Variants in FNDC3B observed in about 807,000 individuals in gnomAD.
The protein encoded by FNDC3B is fibronectin type III domain containing 3B.
A neutral mutation model predicts 151.5 loss-of-function variants in FNDC3B; 12 were observed. The observed-to-expected ratio is 0.08, with a 90% CI of 0.05 to 0.13. The LOEUF (loss-of-function observed/expected upper bound fraction) is 0.13. Ranked by LOEUF, FNDC3B falls within the 10% of genes least tolerant of loss-of-function variation. FNDC3B has a pLI of 1.00. For synonymous variants in FNDC3B, 528 were observed against 549.0 expected (o/e 0.96, Z 0.54); for missense variants, 1,214 against 1,505.3 (o/e 0.81, Z 3.20).
chr3:172,398,667 T>A lies in FNDC3B; in HGVS notation c.*1192T>A, dbSNP rs1347753867. On this transcript the variant is annotated 3_prime_UTR_variant, in exon 26 of 26. Transcript: ENST00000415807. ...TTTGGGGATCAAGGAGCCTAGATTC[T>A]CTCCCTGGATCTGTCACTAACTTGC... 6.6e-6 allele frequency: 1 copy of A among 152,164 alleles called. No homozygotes were observed. Among genetic ancestry groups the A allele is most frequent in the East Asian group, 1.9e-4 (1 of 5,200 alleles). The allele number at this position is 152,164 out of a possible 1,614,324, so 9.4% of individuals were successfully genotyped here. A position where few individuals can be genotyped will look rare whatever the true frequency, so the allele number is the denominator to read the frequency against.
intron 1 of FNDC3B, among the ~76,000 whole-genome samples, chr3:172,072,563 C>G (rs901002864): frequency 2.0e-5 from 3 of 152,148 alleles, no homozygotes; most frequent in African/African-American, 7.2e-5. Context: ...TGGAGGCATC[C>G]TCTTGTTAAT....
At chr3:172,181,770 A>G (rs1477602773) in intron 3 of FNDC3B, among the ~76,000 whole-genome samples, 1 of 141,552 alleles carries the variant, frequency 7.1e-6, no homozygotes, top group Non-Finnish European at 1.5e-5. Flanking sequence ...CAGAGGTTGC[A>G]GTGAGCCGAG....
At chr3:172,118,170 A>G (rs937011305) in intron 2 of FNDC3B, among the ~76,000 whole-genome samples, 5 of 152,218 alleles carry the variant, frequency 3.3e-5, no homozygotes, top group Non-Finnish European at 7.3e-5. Context: ...TATGTTCAAC[A>G]TATTAAAGCT....
chr3:172,188,446 G>A (rs940551030), intron 3 of FNDC3B, among the ~76,000 whole-genome samples: 2 of 147,630 alleles, frequency 1.4e-5, no homozygotes, highest in African/African-American at 2.5e-5. Context: ...TTGCTCTGTC[G>A]CCAGGCTGGA....
intron 25 of FNDC3B, among the ~76,000 whole-genome samples, chr3:172,383,015 G>A (rs369385550): frequency 1.7e-4 from 26 of 152,290 alleles, no homozygotes; most frequent in Non-Finnish European, 3.1e-4. Context: ...GAAAGTCAGT[G>A]GTAACTTGAT....
chr3:172,315,757 A>T (rs1232431118), intron 11 of FNDC3B, among the ~76,000 whole-genome samples: 1 of 152,166 alleles, frequency 6.6e-6, no homozygotes, highest in Non-Finnish European at 1.5e-5. Context: ...CAGAAAGCAG[A>T]TCAGAAGCTC....
At position 172,245,975 on chromosome 3, in the gene FNDC3B, A is replaced by G. The variant is rs190404729; in HGVS notation, c.265-1558A>G. Among the ~76,000 whole-genome samples the G allele has an allele frequency of 2.4e-4, 36 of 152,266 alleles. No individual in the cohort carries two copies. In the East Asian group the frequency reaches 5.0e-3, roughly 21 times the overall value. On this transcript the variant is annotated intron_variant, in intron 4 of 25. Coordinates refer to ENST00000415807, the MANE Select transcript of FNDC3B (RefSeq NM_022763.4). ...ATGGCCGTTCATTCAATCTAAACCTATTTTGTACACTGAAATATAACATAA... is the reference window on the plus strand; with the variant it reads ...ATGGCCGTTCATTCAATCTAAACCTGTTTTGTACACTGAAATATAACATAA...
chr3:172,183,183 A>G (rs1724004665), intron 3 of FNDC3B, among the ~76,000 whole-genome samples: 1 of 152,222 alleles, frequency 6.6e-6, no homozygotes, highest in African/African-American at 2.4e-5. Context: ...ATTTAATCTG[A>G]CAGCTTTTAA....
intron 16 of FNDC3B, chr3:172,337,686 T>C (rs1190338259): frequency 2.7e-6 from 1 of 369,530 alleles, no homozygotes; most frequent in Non-Finnish European, 4.9e-6. Flanking sequence ...TTTGGTTTGG[T>C]TTGTTTTTGT....
chr3:172,127,023 C>T, intron 2 of FNDC3B: 1 of 456,608 alleles, frequency 2.2e-6, no homozygotes, highest in South Asian at 1.5e-5. Context: ...TTAAGGAGAG[C>T]CCAAATGTTT....
intron 6 of FNDC3B, among the ~76,000 whole-genome samples, chr3:172,254,573 A>C (rs1308648583): frequency 6.6e-6 from 1 of 152,152 alleles, no homozygotes; most frequent in African/African-American, 2.4e-5. Flanking sequence ...TGTTTTCTTA[A>C]TTGCCTTGTT....
intron 2 of FNDC3B, among the ~76,000 whole-genome samples, chr3:172,123,596 A>G (rs569287348): frequency 2.0e-5 from 3 of 152,310 alleles, no homozygotes; most frequent in African/African-American, 7.2e-5. Context: ...ATGTGCTTTA[A>G]TTAATGATGT....
intron 22 of FNDC3B, among the ~76,000 whole-genome samples, chr3:172,356,768 C>T (rs1037767347): frequency 3.3e-5 from 5 of 151,992 alleles, no homozygotes; most frequent in Non-Finnish European, 7.4e-5. Flanking sequence ...GATGATTATT[C>T]TCTTCTTTCA....
intron 19 of FNDC3B, among the ~76,000 whole-genome samples, chr3:172,345,415 C>T (rs1041316573): frequency 6.6e-6 from 1 of 152,116 alleles, no homozygotes; most frequent in African/African-American, 2.4e-5. Flanking sequence ...TTTCTCAGCC[C>T]TTTCACTGAT....
At chr3:172,084,686 G>A (rs1051733050) in intron 1 of FNDC3B, among the ~76,000 whole-genome samples, 15 of 152,198 alleles carry the variant, frequency 9.9e-5, no homozygotes, top group African/African-American at 3.6e-4. Flanking sequence ...AGACATTCAA[G>A]GTTAATTTGT....
chr3:172,188,309 T>C (rs1364935118), intron 3 of FNDC3B, among the ~76,000 whole-genome samples: 1 of 152,052 alleles, frequency 6.6e-6, no homozygotes, highest in Non-Finnish European at 1.5e-5. Flanking sequence ...AGCAAAGTTT[T>C]ATAGGCATTA....
chr3:172,135,366 T>C (rs1408962501), intron 3 of FNDC3B, among the ~76,000 whole-genome samples: 3 of 152,140 alleles, frequency 2.0e-5, no homozygotes, highest in Non-Finnish European at 4.4e-5. Flanking sequence ...TTATAACTGG[T>C]GCACTTTGCA....
intron 25 of FNDC3B, among the ~76,000 whole-genome samples, chr3:172,387,344 C>T (rs915775096): frequency 6.6e-6 from 1 of 151,940 alleles, no homozygotes; most frequent in African/African-American, 2.4e-5. Flanking sequence ...GTGATCCACC[C>T]GCCTCACCCT....
rs180789795 is a variant in FNDC3B at position 172,373,280 on chromosome 3, A to G, written c.3009-4990A>G. ...TCCTCCCTTCCCCAGGGTTGAAGCA[A>G]TGCACACTGAAGTATTAATAGTAGT... On this transcript the variant is annotated intron_variant, in intron 23 of 25. Coordinates refer to ENST00000415807, the MANE Select transcript of FNDC3B (RefSeq NM_022763.4). Among the ~76,000 whole-genome samples the G allele has an allele frequency of 5.2e-4, 79 of 152,280 alleles. 1 individual carries two copies. Among genetic ancestry groups the G allele is most frequent in the East Asian group, 2.3e-3 (12 of 5,186 alleles).
Sources: gnomAD v4.1 joint callset for allele counts (sites outside exome capture counted in the v4.1 genomes callset) on GRCh38, gnomAD v4.1.1 for gene constraint, MANE v1.5 for transcripts, NCBI Gene and HGNC (gene_info 2026-07-23, HGNC 2026-07-21) for gene names.